The following THSD7B variants were observed in gnomAD, a reference collection of about 807,000 sequenced individuals.
The protein encoded by THSD7B is thrombospondin type 1 domain containing 7B, also known as thrombospondin type-1 domain-containing protein 7B.
Under a neutral mutation model 213.6 loss-of-function variants are expected in THSD7B, and 138 were observed. The observed-to-expected ratio is 0.65, with a 90% CI of 0.56 to 0.74. The LOEUF (loss-of-function observed/expected upper bound fraction) is 0.74. THSD7B is among the 30% of genes least tolerant of loss of function. The pLI is 0.00. For synonymous variants in THSD7B, 742 were observed against 687.0 expected, an observed-to-expected ratio of 1.08 and a Z score of -1.25; for missense variants, 1,931 against 1,991.5, an observed-to-expected ratio of 0.97 and a Z score of 0.58.
intron 2 of THSD7B, among the ~76,000 whole-genome samples, chr2:137,023,937 T>C (rs992578616): frequency 2.2e-4 from 34 of 151,766 alleles, no homozygotes; most frequent in Non-Finnish European, 4.4e-4. Flanking sequence ...TTTTTTTCCT[T>C]CTTCTTTTAC....
intron 14 of THSD7B, among the ~76,000 whole-genome samples, chr2:137,437,151 A>G (rs963773244): frequency 6.6e-6 from 1 of 152,174 alleles, no homozygotes; most frequent in Non-Finnish European, 1.5e-5. Context: ...AATGCAAAGT[A>G]CATTCTAATC....
At chr2:136,808,277 A>T (rs1682321540) in intron 1 of THSD7B, among the ~76,000 whole-genome samples, 1 of 152,194 alleles carries the variant, frequency 6.6e-6, no homozygotes, top group Non-Finnish European at 1.5e-5. Context: ...TTCCAAAGTT[A>T]CTTAGGCCAA....
intron 20 of THSD7B, among the ~76,000 whole-genome samples, chr2:137,621,197 A>G (rs1682512577): frequency 6.6e-6 from 1 of 152,224 alleles, no homozygotes; most frequent in Non-Finnish European, 1.5e-5. Flanking sequence ...CCACTTTAAC[A>G]GGACCAAGTT....
chr2:136,976,184 G>A (rs1685478817), intron 2 of THSD7B, among the ~76,000 whole-genome samples: 1 of 152,094 alleles, frequency 6.6e-6, no homozygotes, highest in Non-Finnish European at 1.5e-5. Context: ...TGATTTCCTT[G>A]TCCAGAACTT....
intron 1 of THSD7B, among the ~76,000 whole-genome samples, chr2:136,831,012 T>C (rs1005947383): frequency 6.6e-6 from 1 of 152,120 alleles, no homozygotes; most frequent in Non-Finnish European, 1.5e-5. Flanking sequence ...GATAATCAAC[T>C]AGTAATTGCT....
At chr2:137,640,164 A>C (rs947552721) in intron 20 of THSD7B, among the ~76,000 whole-genome samples, 2 of 152,128 alleles carry the variant, frequency 1.3e-5, no homozygotes, top group Non-Finnish European at 2.9e-5. Flanking sequence ...GGGGGAGGTA[A>C]CTGAATCATG....
chr2:137,501,813 A>C (rs16855781), intron 15 of THSD7B, among the ~76,000 whole-genome samples: 1 of 152,082 alleles, frequency 6.6e-6, no homozygotes, highest in Non-Finnish European at 1.5e-5. Flanking sequence ...TAGCAGAGAT[A>C]AGTTAAATTT....
chr2:137,674,837 TGA>T (rs1375728665), intron 27 of THSD7B, among the ~76,000 whole-genome samples: 1 of 152,186 alleles, frequency 6.6e-6, no homozygotes, highest in Non-Finnish European at 1.5e-5. Flanking sequence ...TGGGGGGCAC[TGA>T]GAGAATCTGC....
rs546263114 is a variant in THSD7B at position 137,665,398 on chromosome 2, TTATG to T, written c.4651+1827_4651+1830del. Among the ~76,000 whole-genome samples the T allele has an allele frequency of 1.9e-3, 290 of 152,164 alleles. 2 individuals carry two copies. The highest frequency in any genetic ancestry group is 6.4e-3 in the African/African-American group (264 of 41,518). On this transcript the variant is annotated intron_variant, in intron 26 of 27. Coordinates refer to ENST00000409968, the MANE Select transcript of THSD7B (RefSeq NM_001316349.2). ...TATGTGTGTCTAGATACACAAAAGTTTATGTATTCACACATATATGTATATTGGT... is the reference window on the plus strand; with the variant it reads ...TATGTGTGTCTAGATACACAAAAGTTTATTCACACATATATGTATATTGGT...
chr2:137,132,288 A>G lies in THSD7B; in HGVS notation c.1369+16995A>G, dbSNP rs1463404996. Among the ~76,000 whole-genome samples, 7 of 151,426 alleles carry G rather than the reference A, an allele frequency of 4.6e-5. No homozygotes were observed. In the East Asian group the frequency reaches 7.8e-4, roughly 17 times the overall value. On this transcript the variant is annotated intron_variant, in intron 5 of 27. Coordinates refer to ENST00000409968, the MANE Select transcript of THSD7B (RefSeq NM_001316349.2). ...GCTTAAGGAGATTTTAGGCTGAGAC[A>G]ATGGGGTTTTCTAGATATACAATCA... is the stretch of plus-strand genomic sequence containing the variant.
intron 5 of THSD7B, among the ~76,000 whole-genome samples, chr2:137,134,286 T>C (rs2104957214): frequency 6.6e-6 from 1 of 152,336 alleles, no homozygotes; most frequent in Non-Finnish European, 1.5e-5. Flanking sequence ...TCAGCATTCC[T>C]AACACTGAGT....
intron 2 of THSD7B, among the ~76,000 whole-genome samples, chr2:136,891,174 C>A (rs952387980): frequency 2.6e-5 from 4 of 152,038 alleles, no homozygotes; most frequent in South Asian, 4.2e-4. Context: ...ACAGTTTAAT[C>A]TTTTTCCTTT....
At chr2:136,918,480 C>T (rs989722657) in intron 2 of THSD7B, among the ~76,000 whole-genome samples, 4 of 152,190 alleles carry the variant, frequency 2.6e-5, no homozygotes, top group African/African-American at 9.7e-5. Context: ...ATAAGACCTG[C>T]TCCCTGAGCC....
At chr2:137,613,456 T>C (rs894434465) in intron 17 of THSD7B, among the ~76,000 whole-genome samples, 1 of 152,170 alleles carries the variant, frequency 6.6e-6, no homozygotes, top group Non-Finnish European at 1.5e-5. Context: ...CGTGAAGGCA[T>C]AATGTCATAA....
intron 3 of THSD7B, among the ~76,000 whole-genome samples, chr2:137,089,865 C>T (rs755429014): frequency 2.0e-5 from 3 of 151,742 alleles, no homozygotes; most frequent in Non-Finnish European, 2.9e-5. Context: ...AAAAATTAGC[C>T]GGGTGTGGTG....
intron 2 of THSD7B, among the ~76,000 whole-genome samples, chr2:136,950,639 T>A (rs190358293): frequency 6.6e-6 from 1 of 152,214 alleles, no homozygotes; most frequent in Non-Finnish European, 1.5e-5. Flanking sequence ...TTAATTAATT[T>A]GTAAAATTAC....
At chr2:137,545,637 T>C (rs1490180321) in intron 15 of THSD7B, among the ~76,000 whole-genome samples, 1 of 151,932 alleles carries the variant, frequency 6.6e-6, no homozygotes, top group African/African-American at 2.4e-5. Context: ...AGCAGTGTGC[T>C]TCCTGCTAAG....
chr2:137,209,455 G>C (rs13408148), intron 7 of THSD7B, among the ~76,000 whole-genome samples: 2 of 151,236 alleles, frequency 1.3e-5, no homozygotes, highest in African/African-American at 2.4e-5. Context: ...GGTCCCACAG[G>C]GTGCCAGATT....
chr2:137,334,162 TTCTCTC>T, intron 12 of THSD7B, among the ~76,000 whole-genome samples: 1 of 86,898 alleles, frequency 1.2e-5, no homozygotes, highest in East Asian at 3.8e-4. Context: ...ATTTCTTTCT[TTCTCTC>T]TTTCTCTCTC....
Sources: gnomAD v4.1 joint callset for allele counts (sites outside exome capture counted in the v4.1 genomes callset) on GRCh38, gnomAD v4.1.1 for gene constraint, MANE v1.5 for transcripts, NCBI Gene and HGNC (gene_info 2026-07-23, HGNC 2026-07-21) for gene names.